PTPRD: variants seen among roughly 807,000 people sequenced by gnomAD.
PTPRD encodes the protein protein tyrosine phosphatase receptor type D.
Under a neutral mutation model 214.5 loss-of-function variants are expected in PTPRD, and 34 were observed. The ratio of observed to expected loss-of-function variants is 0.16; its 90% CI spans 0.12 to 0.21. The LOEUF is 0.21. Ranked by LOEUF, PTPRD falls within the 10% of genes least tolerant of loss-of-function variation. PTPRD has a pLI of 1.00. For missense variants in PTPRD, 2,545 were observed against 2,398.7 expected, an observed-to-expected ratio of 1.06 and a Z score of -1.27; for synonymous variants, 1,128 against 845.7, an observed-to-expected ratio of 1.33 and a Z score of -5.79.
chr9:9,410,880 G>C (rs1381948319), intron 8 of PTPRD, among the ~76,000 whole-genome samples: 2 of 152,178 alleles, frequency 1.3e-5, no homozygotes, highest in South Asian at 2.1e-4. Context: ...GACCACGGTT[G>C]TGCTACAAAC....
chr9:9,699,131 T>C (rs967738954), intron 7 of PTPRD, among the ~76,000 whole-genome samples: 3 of 152,200 alleles, frequency 2.0e-5, no homozygotes, highest in African/African-American at 7.2e-5. Context: ...AAAGAACTGA[T>C]AATTGGCTAT....
intron 31 of PTPRD, among the ~76,000 whole-genome samples, chr9:8,468,798 G>GA (rs35027583): frequency 0.66 from 81,142 of 123,318 alleles, 26,811 homozygotes; most frequent in South Asian, 0.74. Context: ...ATCCATGGTA[G>GA]AAAAAAAAAA....
intron 5 of PTPRD, among the ~76,000 whole-genome samples, chr9:9,798,618 CA>C (rs969607546): frequency 4.6e-4 from 70 of 152,190 alleles, no homozygotes; most frequent in African/African-American, 1.7e-3. Flanking sequence ...GTTAAGATGC[CA>C]TATTTTGGGG....
At chr9:10,225,154 T>C (rs1430311865) in intron 3 of PTPRD, among the ~76,000 whole-genome samples, 3 of 151,992 alleles carry the variant, frequency 2.0e-5, no homozygotes, top group Non-Finnish European at 2.9e-5. Flanking sequence ...AAAATTTATA[T>C]TTTTATTATC....
intron 11 of PTPRD, among the ~76,000 whole-genome samples, chr9:9,004,921 G>C (rs1032345942): frequency 6.6e-6 from 1 of 152,026 alleles, no homozygotes; most frequent in African/African-American, 2.4e-5. Flanking sequence ...AATTGACCAG[G>C]GCACGGGGAA....
intron 12 of PTPRD, among the ~76,000 whole-genome samples, chr9:8,731,580 G>C (rs189037833): frequency 6.6e-6 from 1 of 152,118 alleles, no homozygotes; most frequent in African/African-American, 2.4e-5. Context: ...GGTAATGACA[G>C]TATTTGATAA....
intron 11 of PTPRD, among the ~76,000 whole-genome samples, chr9:8,762,133 C>T (rs2094451578): frequency 6.6e-6 from 1 of 152,222 alleles, no homozygotes; most frequent in Non-Finnish European, 1.5e-5. Flanking sequence ...AAGGTTCTGT[C>T]TTTCTAGGAA....
At chr9:8,395,841 G>A (rs2090999516) in intron 36 of PTPRD, among the ~76,000 whole-genome samples, 1 of 151,980 alleles carries the variant, frequency 6.6e-6, no homozygotes, top group Non-Finnish European at 1.5e-5. Context: ...ACGGCTGATT[G>A]AACTATCTTT....
intron 5 of PTPRD, among the ~76,000 whole-genome samples, chr9:9,832,898 T>A (rs1355521268): frequency 6.6e-6 from 1 of 151,676 alleles, no homozygotes; most frequent in African/African-American, 2.4e-5. Flanking sequence ...TCTATGTTTT[T>A]TTTTTTCCCA....
At chr9:8,585,057 C>T (rs2093525116) in intron 14 of PTPRD, among the ~76,000 whole-genome samples, 1 of 152,096 alleles carries the variant, frequency 6.6e-6, no homozygotes, top group Admixed American at 6.5e-5. Flanking sequence ...AACTACAATT[C>T]AAGATGAGAT....
chr9:9,162,242 C>T (rs914833131), intron 10 of PTPRD, among the ~76,000 whole-genome samples: 1 of 152,138 alleles, frequency 6.6e-6, no homozygotes, highest in Admixed American at 6.6e-5. Context: ...TGCCAATATA[C>T]ATTCATGATT....
intron 36 of PTPRD, among the ~76,000 whole-genome samples, chr9:8,402,691 C>CA (rs35921932): frequency 0.7 from 106,022 of 151,814 alleles, 37,494 homozygotes; most frequent in African/African-American, 0.81. Context: ...AGACCCCCCA[C>CA]AAAAAAACCT....
chr9:9,749,589 A>T (rs568595330), intron 6 of PTPRD, among the ~76,000 whole-genome samples: 1 of 152,320 alleles, frequency 6.6e-6, no homozygotes, highest in East Asian at 1.9e-4. Flanking sequence ...CCATAACAAG[A>T]CAATATTCTA....
intron 11 of PTPRD, among the ~76,000 whole-genome samples, chr9:8,745,145 A>T (rs1389334150): frequency 6.6e-6 from 1 of 152,206 alleles, no homozygotes; most frequent in African/African-American, 2.4e-5. Flanking sequence ...AGAAAAAAAT[A>T]ACATCATTTT....
intron 34 of PTPRD, among the ~76,000 whole-genome samples, chr9:8,446,020 C>G (rs577583736): frequency 6.6e-6 from 1 of 152,272 alleles, no homozygotes; most frequent in African/African-American, 2.4e-5. Flanking sequence ...CAGAGAGTGA[C>G]TTGATTCTTG....
In PTPRD at chr9:9,608,341, C is replaced by A. The variant is rs188399232; in HGVS notation, c.-286-33560G>T. ...AAGCCTCTGGTGCATGGTTATTTAA[C>A]CTTATTGATACATCGTCTTTGTTAA... is the stretch of plus-strand genomic sequence containing the variant. On this transcript the variant is annotated intron_variant, in intron 7 of 45. Coordinates refer to ENST00000381196, the MANE Select transcript of PTPRD (RefSeq NM_002839.4). Among the ~76,000 whole-genome samples, 10 of 152,208 alleles carry A rather than the reference C, an allele frequency of 6.6e-5. 1 individual carries two copies. Among genetic ancestry groups the A allele is most frequent in the African/African-American group, 1.7e-4 (7 of 41,528 alleles).
intron 10 of PTPRD, among the ~76,000 whole-genome samples, chr9:9,068,798 G>C (rs75354351): frequency 5.9e-5 from 9 of 152,042 alleles, no homozygotes; most frequent in East Asian, 1.9e-4. Context: ...TTTTAGCAGA[G>C]ATGGGGTTTC....
At chr9:8,407,252 A>T (rs911140023) in intron 35 of PTPRD, among the ~76,000 whole-genome samples, 4 of 152,202 alleles carry the variant, frequency 2.6e-5, no homozygotes, top group African/African-American at 9.6e-5. Context: ...CTAGGTCATT[A>T]TGCTTTATAT....
chr9:9,971,171 CAAT>C (rs2095077157), intron 4 of PTPRD, among the ~76,000 whole-genome samples: 1 of 151,926 alleles, frequency 6.6e-6, no homozygotes. Context: ...ATGTGATTAA[CAAT>C]AAGCTAATTA....
Sources: allele counts gnomAD v4.1 joint callset (sites outside exome capture counted in the v4.1 genomes callset), GRCh38; gene constraint gnomAD v4.1.1; transcripts MANE v1.5; gene names NCBI Gene and HGNC (gene_info 2026-07-23, HGNC 2026-07-21).